Variants in JARID2 observed in about 807,000 individuals in gnomAD.
JARID2 encodes the protein protein Jumonji.
JARID2 carries 21 observed loss-of-function variants against 125.6 expected under a neutral mutation model. The ratio of observed to expected loss-of-function variants is 0.17; its 90% CI spans 0.12 to 0.24. The LOEUF is 0.24. Among genes scored for constraint, JARID2 ranks in the 10% least tolerant of loss-of-function variants. JARID2 has a pLI of 1.00. For synonymous variants in JARID2, 736 were observed against 661.6 expected (o/e 1.11, Z -1.73); for missense variants, 1,303 against 1,639.6 (o/e 0.79, Z 3.55).
intron 1 of JARID2, among the ~76,000 whole-genome samples, chr6:15,279,579 T>G (rs80348528): frequency 0.038 from 5,756 of 152,322 alleles, 176 homozygotes; most frequent in South Asian, 0.073. Flanking sequence ...ACTTGCCTGA[T>G]TAACACCACT....
At chr6:15,285,106 GTTTTTTTTTT>G (rs199945772) in intron 1 of JARID2, among the ~76,000 whole-genome samples, 10 of 119,456 alleles carry the variant, frequency 8.4e-5, no homozygotes, top group African/African-American at 2.6e-4. Flanking sequence ...GTCTTTCTGG[GTTTTTTTTTT>G]TTTTTTTTTT....
intron 5 of JARID2, among the ~76,000 whole-genome samples, chr6:15,483,748 T>C (rs1769734429): frequency 6.6e-6 from 1 of 152,240 alleles, no homozygotes. Flanking sequence ...ATATTTTTTA[T>C]TTCCCTTGTG....
chr6:15,293,814 G>A (rs1327931673), intron 1 of JARID2, among the ~76,000 whole-genome samples: 1 of 152,206 alleles, frequency 6.6e-6, no homozygotes, highest in African/African-American at 2.4e-5. Context: ...GTATGTCATA[G>A]CATCTGGCCA....
In JARID2 at chr6:15,439,323, A is replaced by C. The variant is rs550872367; in HGVS notation, c.324-12683A>C. 1.1e-4 allele frequency among the ~76,000 whole-genome samples: 17 copies of C among 152,116 alleles called. No individual in the cohort carries two copies. The East Asian group carries it at 3.1e-3, about 28-fold the overall frequency. ...ATCTCTATCCTCCTCCTGTACTTGC[A>C]CCCCTGCTGTTATGTTTTATTAGGA... On this transcript the variant is annotated intron_variant, in intron 3 of 17. Transcript: ENST00000341776.
chr6:15,500,873 A>G, intron 7 of JARID2, 34 bp from the exon 8 acceptor site: 2 of 1,556,764 alleles, frequency 1.3e-6, no homozygotes, highest in South Asian at 1.2e-5. Flanking sequence ...CTCTTTCACT[A>G]ACTGTCCCGT....
intron 2 of JARID2, among the ~76,000 whole-genome samples, chr6:15,380,824 C>T (rs1328353882): frequency 6.6e-6 from 1 of 152,070 alleles, no homozygotes; most frequent in African/African-American, 2.4e-5. Context: ...GTCATAAAAA[C>T]GTATTTGTGA....
At position 15,410,260 on chromosome 6, in the gene JARID2, C is replaced by G; in HGVS notation, c.218C>G (p.Pro73Arg). The stretch of plus-strand genomic sequence containing the variant: ...AATGACCAGTCTAAGGGATTAGGAC[C>G]AGCATCAGAACAGTCAGAGAATGAA... ...LGNDQSKGLGPASEQSENEKD... is the reference protein window; with the variant it reads ...LGNDQSKGLGRASEQSENEKD... The change falls in exon 3 of 18, where the codon CCA (proline) becomes CGA (arginine). Residue 73 changes from proline to arginine, a missense_variant. Pro to Arg is a moderately radical substitution (Grantham distance 103). Transcript: ENST00000341776. 1 of 1,614,120 alleles carries G rather than the reference C, an allele frequency of 6.2e-7. No individual in the cohort carries two copies. The highest frequency in any genetic ancestry group is 8.5e-7 in the Non-Finnish European group (1 of 1,179,984).
intron 1 of JARID2, among the ~76,000 whole-genome samples, chr6:15,335,333 C>G (rs935929915): frequency 6.6e-6 from 1 of 152,110 alleles, no homozygotes; most frequent in Non-Finnish European, 1.5e-5. Context: ...CTCCAGGCCT[C>G]AAGCGATCTG....
At chr6:15,298,101 C>G (rs1761478639) in intron 1 of JARID2, among the ~76,000 whole-genome samples, 1 of 152,094 alleles carries the variant, frequency 6.6e-6, no homozygotes, top group Non-Finnish European at 1.5e-5. Flanking sequence ...GGAGCTTACC[C>G]AACTTTTTCT....
intron 4 of JARID2, among the ~76,000 whole-genome samples, chr6:15,456,878 C>CTTTTTTTTTTTTTTTTTTT (rs71535043): frequency 2.5e-4 from 24 of 95,676 alleles, no homozygotes; most frequent in African/African-American, 9.5e-4. Flanking sequence ...GGATGTTAAG[C>CTTTTTTTTTTTTTTTTTTT]TTTTTTTTTT....
At chr6:15,379,672 C>G (rs569933007) in intron 2 of JARID2, among the ~76,000 whole-genome samples, 7 of 152,310 alleles carry the variant, frequency 4.6e-5, no homozygotes, top group Non-Finnish European at 8.8e-5. Flanking sequence ...GCTAGCCTAC[C>G]TTGAGTTCTC....
chr6:15,386,481 T>G (rs960278965), intron 2 of JARID2, among the ~76,000 whole-genome samples: 1 of 152,140 alleles, frequency 6.6e-6, no homozygotes, highest in Non-Finnish European at 1.5e-5. Context: ...TTCAGTACAG[T>G]TGACATGTTT....
intron 3 of JARID2, among the ~76,000 whole-genome samples, chr6:15,433,516 GAA>G (rs1258431223): frequency 6.6e-6 from 1 of 151,584 alleles, no homozygotes; most frequent in Non-Finnish European, 1.5e-5. Flanking sequence ...TCATCCAAGT[GAA>G]AGTCTTTTCC....
intron 4 of JARID2, among the ~76,000 whole-genome samples, chr6:15,457,035 CTA>C (rs1235452454): frequency 2.0e-5 from 3 of 152,016 alleles, no homozygotes; most frequent in Non-Finnish European, 4.4e-5. Flanking sequence ...TTGTTTGTGA[CTA>C]TTTTACTGAG....
intron 2 of JARID2, among the ~76,000 whole-genome samples, chr6:15,393,347 G>C (rs1397643080): frequency 1.3e-5 from 2 of 152,138 alleles, no homozygotes; most frequent in Admixed American, 6.5e-5. Context: ...AATTATCTTT[G>C]TCTACCTTTG....
At chr6:15,302,219 C>G (rs1035143094) in intron 1 of JARID2, among the ~76,000 whole-genome samples, 4 of 152,112 alleles carry the variant, frequency 2.6e-5, no homozygotes, top group African/African-American at 9.7e-5. Context: ...AGTTCGAGAC[C>G]AGCCTGGCCA....
chr6:15,472,845 C>A (rs1178651976), intron 5 of JARID2, among the ~76,000 whole-genome samples: 1 of 152,228 alleles, frequency 6.6e-6, no homozygotes, highest in Admixed American at 6.5e-5. Flanking sequence ...CAATTTAATT[C>A]ATTGCTCTTC....
chr6:15,505,586 C>A (rs1274736418), intron 9 of JARID2, among the ~76,000 whole-genome samples: 1 of 152,208 alleles, frequency 6.6e-6, no homozygotes, highest in Non-Finnish European at 1.5e-5. Flanking sequence ...CCCTGTGGCC[C>A]ACCCCTCCCT....
intron 1 of JARID2, among the ~76,000 whole-genome samples, chr6:15,276,976 T>C (rs950330518): frequency 2.0e-5 from 3 of 152,218 alleles, no homozygotes; most frequent in Non-Finnish European, 2.9e-5. Context: ...AGGCGAAAGC[T>C]TGTTACCATG....
Sources: gnomAD v4.1 joint callset for allele counts (sites outside exome capture counted in the v4.1 genomes callset) on GRCh38, gnomAD v4.1.1 for gene constraint, MANE v1.5 for transcripts, NCBI Gene and HGNC (gene_info 2026-07-23, HGNC 2026-07-21) for gene names.